Variants in IGFL2 observed in about 807,000 individuals in gnomAD.
The protein encoded by IGFL2 is IGF like family member 2.
IGFL2 carries 7 observed loss-of-function variants against 13.9 expected under a neutral mutation model. That is an observed-to-expected ratio of 0.51 (90% CI 0.29 to 0.95). The LOEUF (loss-of-function observed/expected upper bound fraction) is 0.95. Among genes scored for constraint, IGFL2 ranks in the 40% least tolerant of loss-of-function variants. The pLI, the probability that IGFL2 is intolerant of heterozygous loss-of-function variation, is 0.08. For synonymous variants in IGFL2, 55 were observed against 55.8 expected, an observed-to-expected ratio of 0.99 and a Z score of 0.07; for missense variants, 138 against 147.8, an observed-to-expected ratio of 0.93 and a Z score of 0.34.
chr19:46,139,946 A>ACC (rs1972784105), upstream of IGFL2, among the ~76,000 whole-genome samples: 1 of 152,028 alleles, frequency 6.6e-6, no homozygotes. Context: ...ACTCACACAC[A>ACC]CACACACACA....
the IGFL2 span, among the ~76,000 whole-genome samples, chr19:46,129,949 T>C: frequency 6.6e-6 from 1 of 152,200 alleles, no homozygotes; most frequent in East Asian, 1.9e-4. Flanking sequence ...TGTCTAATAC[T>C]GTCAGTGAGG....
At chr19:46,129,454 T>G in the IGFL2 span, among the ~76,000 whole-genome samples, 17 of 151,922 alleles carry the variant, frequency 1.1e-4, no homozygotes, top group Non-Finnish European at 5.9e-5. Flanking sequence ...AGTTGTGATG[T>G]TAGGTTGTGA....
At chr19:46,081,682 C>T in the IGFL2 span, among the ~76,000 whole-genome samples, 1 of 151,776 alleles carries the variant, frequency 6.6e-6, no homozygotes, top group South Asian at 2.1e-4. Flanking sequence ...GTGCTTACCT[C>T]TGCACAGTTC....
At chr19:46,132,616 CAGAGAAGGGGAG>C in the IGFL2 span, among the ~76,000 whole-genome samples, 2 of 145,176 alleles carry the variant, frequency 1.4e-5, no homozygotes, top group African/African-American at 2.6e-5. Flanking sequence ...GCCAGTATGA[CAGAGAAGGGGAG>C]AGAGAAGGAG....
At chr19:46,105,775 C>T in the IGFL2 span, among the ~76,000 whole-genome samples, 1 of 152,146 alleles carries the variant, frequency 6.6e-6, no homozygotes, top group Non-Finnish European at 1.5e-5. Context: ...AGCTGCTGCA[C>T]ACAGAGATGA....
the IGFL2 span, among the ~76,000 whole-genome samples, chr19:46,084,999 C>T: frequency 6.6e-6 from 1 of 152,202 alleles, no homozygotes. Context: ...ATTCCTTCCA[C>T]CTATGAGCCC....
chr19:46,079,978 A>C, the IGFL2 span, among the ~76,000 whole-genome samples: 2 of 152,164 alleles, frequency 1.3e-5, no homozygotes, highest in Admixed American at 1.3e-4. Context: ...AAATGGAGGA[A>C]GATTCTTAAC....
chr19:46,211,433 T>C, the IGFL2 span, among the ~76,000 whole-genome samples: 2 of 152,162 alleles, frequency 1.3e-5, no homozygotes, highest in African/African-American at 2.4e-5. Flanking sequence ...ACCTCATTCC[T>C]GCCTGTTTCC....
chr19:46,129,037 A>C, the IGFL2 span, among the ~76,000 whole-genome samples: 2 of 152,178 alleles, frequency 1.3e-5, no homozygotes, highest in Non-Finnish European at 2.9e-5. Flanking sequence ...TTATTGGTCT[A>C]TTCAGGGACC....
the IGFL2 span, among the ~76,000 whole-genome samples, chr19:46,172,613 A>C: frequency 6.6e-6 from 1 of 152,156 alleles, no homozygotes; most frequent in African/African-American, 2.4e-5. Flanking sequence ...CACTGTGTCT[A>C]ACTTGAAAGA....
the IGFL2 span, among the ~76,000 whole-genome samples, chr19:46,095,297 C>G: frequency 2.6e-5 from 4 of 152,178 alleles, no homozygotes; most frequent in East Asian, 1.9e-4. Flanking sequence ...GAGCTTTTTT[C>G]CATATGTTTG....
At chr19:46,098,940 G>A in the IGFL2 span, among the ~76,000 whole-genome samples, 1 of 152,206 alleles carries the variant, frequency 6.6e-6, no homozygotes, top group African/African-American at 2.4e-5. Flanking sequence ...ACTTCAGCAT[G>A]TCTTTGCAGT....
chr19:46,103,180 G>GT, the IGFL2 span, among the ~76,000 whole-genome samples: 1 of 152,178 alleles, frequency 6.6e-6, no homozygotes, highest in African/African-American at 2.4e-5. Context: ...CAATCCTTGA[G>GT]TTTTTGATGT....
At chr19:46,106,838 A>G in the IGFL2 span, among the ~76,000 whole-genome samples, 3 of 151,906 alleles carry the variant, frequency 2.0e-5, no homozygotes, top group African/African-American at 7.3e-5. Context: ...TTTTAATGGG[A>G]TGATAAGGGG....
the IGFL2 span, among the ~76,000 whole-genome samples, chr19:46,115,921 G>T: frequency 1.3e-5 from 2 of 152,072 alleles, no homozygotes; most frequent in Non-Finnish European, 2.9e-5. Flanking sequence ...TATACTCCAG[G>T]AGGCTCGCCG....
the IGFL2 span, chr19:46,198,025 CCCTTCCTTCCTTCCTT>C: frequency 7.9e-6 from 1 of 126,258 alleles, no homozygotes; most frequent in Non-Finnish European, 1.6e-5. Flanking sequence ...CTCCCTCCCT[CCCTTCCTTCCTTCCTT>C]CCTGCCTTCC....
At chr19:46,186,625 C>G in the IGFL2 span, among the ~76,000 whole-genome samples, 1 of 152,190 alleles carries the variant, frequency 6.6e-6, no homozygotes, top group Admixed American at 6.5e-5. Context: ...GTCCTCCTTC[C>G]CCAGGAAACC....
the IGFL2 span, among the ~76,000 whole-genome samples, chr19:46,096,217 C>T: frequency 6.6e-6 from 1 of 152,050 alleles, no homozygotes; most frequent in Non-Finnish European, 1.5e-5. Flanking sequence ...TAGTAGTACT[C>T]CTTGAAGGGG....
intron 1 of IGFL2, among the ~76,000 whole-genome samples, chr19:46,153,831 A>G (rs1446778716): frequency 2.1e-5 from 3 of 145,966 alleles, no homozygotes; most frequent in African/African-American, 5.1e-5. Flanking sequence ...ATATATATAT[A>G]TATATATATT....
Sources: allele counts gnomAD v4.1 joint callset (sites outside exome capture counted in the v4.1 genomes callset), GRCh38; gene constraint gnomAD v4.1.1; transcripts MANE v1.5; gene names NCBI Gene and HGNC (gene_info 2026-07-23, HGNC 2026-07-21).